Variants in HIF1AN observed in about 807,000 individuals in gnomAD.
HIF1AN encodes hypoxia inducible factor 1 subunit alpha inhibitor, also known as hypoxia-inducible factor 1-alpha inhibitor.
Under a neutral mutation model 47.7 loss-of-function variants are expected in HIF1AN, and 21 were observed. The ratio of observed to expected loss-of-function variants is 0.44; its 90% CI spans 0.31 to 0.63. The LOEUF is 0.63. HIF1AN is among the 30% of genes least tolerant of loss of function. The pLI, the probability that HIF1AN is intolerant of heterozygous loss-of-function variation, is 0.07. For missense variants in HIF1AN, 320 were observed against 432.7 expected, an observed-to-expected ratio of 0.74 and a Z score of 2.31; for synonymous variants, 152 against 155.9, an observed-to-expected ratio of 0.98 and a Z score of 0.18.
rs571589774 is a variant in HIF1AN, at chr10:100,542,677, A to T, written c.577+1895A>T. ...GCAAATTCAACTTTATCTTTTAAAT[A>T]GATAATACATTCATGGAGTTCGAAT... is the stretch of plus-strand genomic sequence containing the variant. On this transcript the variant is annotated intron_variant, in intron 3 of 7. Coordinates refer to ENST00000299163, the MANE Select transcript of HIF1AN (RefSeq NM_017902.3). 2.9e-3 allele frequency among the ~76,000 whole-genome samples: 441 copies of T among 152,230 alleles called. 3 individuals are homozygous for T. Among genetic ancestry groups the T allele is most frequent in the Non-Finnish European group, 4.1e-3 (281 of 68,010 alleles).
At chr10:100,545,885 GT>G (rs1430007770) in intron 4 of HIF1AN, 57 bp from the exon 5 acceptor site, 1 of 1,162,328 alleles carries the variant, frequency 8.6e-7, no homozygotes. Context: ...GCATATAGTA[GT>G]TTTACTGGTG....
chr10:100,535,972 C>G lies in HIF1AN; in HGVS notation c.14C>G (p.Ala5Gly). Residue 5 changes from alanine to glycine, a missense_variant, in exon 1 of 8, where the codon GCG becomes GGG. Ala to Gly is a moderately conservative substitution (Grantham distance 60). Coordinates refer to ENST00000299163, the MANE Select transcript of HIF1AN (RefSeq NM_017902.3). Reference protein sequence around the residue: MAATAAEAVASGSGE... With the variant: MAATGAEAVASGSGE... ...CTGGCGGCGGAGATGGCGGCGACAG[C>G]GGCGGAGGCTGTGGCCTCTGGCTCT... 6.5e-7 allele frequency: 1 copy of G among 1,549,964 alleles called. No individual in the cohort carries two copies.
In HIF1AN at chr10:100,552,757, C is replaced by G. The variant is rs1200966825; in HGVS notation, c.*4620C>G. On this transcript the variant is annotated 3_prime_UTR_variant, in exon 8 of 8. Coordinates refer to ENST00000299163, the MANE Select transcript of HIF1AN (RefSeq NM_017902.3). ...ATCCCTCTCTCTGGTCATCCCTGAT[C>G]ATCTTAGGGCCGTCTCCCTTTTCTG... 6.6e-6 allele frequency: 1 copy of G among 152,284 alleles called. No homozygotes were observed. The highest frequency in any genetic ancestry group is 2.4e-5 in the African/African-American group (1 of 41,430). The allele number at this position is 152,284 out of a possible 1,614,324, so 9.4% of individuals were successfully genotyped here.
chr10:100,543,770 C>T lies in HIF1AN; in HGVS notation c.578-1181C>T, dbSNP rs140189004. 6.9e-3 allele frequency among the ~76,000 whole-genome samples: 1,045 copies of T among 152,282 alleles called. 13 individuals are homozygous for T. The highest frequency in any genetic ancestry group is 0.023 in the African/African-American group (972 of 41,572). ...TATAGTTATAATAGAGACGGAGTTT[C>T]ACCGTGTTAGCCAGGATGGTCTCAA... On this transcript the variant is annotated intron_variant, in intron 3 of 7. Coordinates refer to ENST00000299163, the MANE Select transcript of HIF1AN (RefSeq NM_017902.3).
rs993896631 is a variant in HIF1AN, at chr10:100,550,989, C to G, written c.*2852C>G. 8.5e-5 allele frequency: 13 copies of G among 152,260 alleles called. No homozygotes were observed. The highest frequency in any genetic ancestry group is 1.5e-4 in the Non-Finnish European group (10 of 68,070). The allele number at this position is 152,260 out of a possible 1,614,324, so 9.4% of individuals were successfully genotyped here. A position where few individuals can be genotyped will look rare whatever the true frequency, so the allele number is the denominator to read the frequency against. On this transcript the variant is annotated 3_prime_UTR_variant, in exon 8 of 8. Coordinates refer to ENST00000299163, the MANE Select transcript of HIF1AN (RefSeq NM_017902.3). The stretch of plus-strand genomic sequence containing the variant: ...CTCCATCCTAGCTGGCAGTGTGGGA[C>G]ACACACATACAGCAAGTGAAGGTGG...
intron 3 of HIF1AN, among the ~76,000 whole-genome samples, chr10:100,544,627 A>G (rs1843077274): frequency 6.6e-6 from 1 of 152,214 alleles, no homozygotes; most frequent in Admixed American, 6.5e-5. Flanking sequence ...TACACGGTGT[A>G]CACAGTTGAT....
chr10:100,547,244 A>C lies in HIF1AN; in HGVS notation c.999A>C (p.Pro333=), dbSNP rs1440058508. The C allele has an allele frequency of 1.2e-6, 2 of 1,610,880 alleles. No homozygotes were observed. The highest frequency in any genetic ancestry group is 1.3e-5 in the African/African-American group (1 of 74,876). ...TGCTTGGAGAGGCCTTGGGGAACCC[A>C]CAAGAGGTAGGTGACTGCCCCAAGG... ...EKMLGEALGN[P]QEVGPLLNTM... Residue 333 remains proline (P), a synonymous_variant, in exon 7 of 8, where the codon CCA becomes CCC. Coordinates refer to ENST00000299163, the MANE Select transcript of HIF1AN (RefSeq NM_017902.3).
rs191150859 is a variant in HIF1AN at position 100,556,297 on chromosome 10, A to T, written c.*8160A>T. Reference sequence around the variant, plus strand: ...TCCAAAAATATTTTTAACAATACTAAAAATACCTGAAACATACTGGGTGAA... The same window carrying T: ...TCCAAAAATATTTTTAACAATACTATAAATACCTGAAACATACTGGGTGAA... On this transcript the variant is annotated 3_prime_UTR_variant, in exon 8 of 8. Transcript: ENST00000299163. The T allele has an allele frequency of 1.3e-5, 2 of 152,294 alleles. No homozygotes were observed. Among genetic ancestry groups the T allele is most frequent in the East Asian group, 3.9e-4 (2 of 5,188 alleles). 9.4% of individuals were successfully genotyped at this position (152,294 alleles called of 1,614,324 possible). A position where few individuals can be genotyped will look rare whatever the true frequency, so the allele number is the denominator to read the frequency against.
intron 2 of HIF1AN, among the ~76,000 whole-genome samples, chr10:100,537,571 A>G (rs1852240229): frequency 1.3e-5 from 2 of 152,262 alleles, no homozygotes; most frequent in African/African-American, 4.8e-5. Context: ...AAGACACACA[A>G]GACAGTGATT....
intron 2 of HIF1AN, among the ~76,000 whole-genome samples, chr10:100,537,633 C>T (rs892415630): frequency 2.0e-5 from 3 of 152,160 alleles, no homozygotes; most frequent in South Asian, 2.1e-4. Flanking sequence ...TATGTAGGTC[C>T]GAGACAGTAT....
At chr10:100,539,020 G>A (rs992385888) in intron 2 of HIF1AN, among the ~76,000 whole-genome samples, 2 of 149,984 alleles carry the variant, frequency 1.3e-5, no homozygotes, top group Admixed American at 6.7e-5. Flanking sequence ...ATCCTCCCAC[G>A]TCAGCCTGTC....
In HIF1AN at chr10:100,550,686, A is replaced by T. The variant is rs1242649103; in HGVS notation, c.*2549A>T. 1.3e-5 allele frequency: 2 copies of T among 152,240 alleles called. No homozygotes were observed. Among genetic ancestry groups the T allele is most frequent in the Non-Finnish European group, 2.9e-5 (2 of 68,046 alleles). The allele number at this position is 152,240 out of a possible 1,614,324, so 9.4% of individuals were successfully genotyped here. ...AAACTGCCTGGGAAGCCATATTATG[A>T]ATTAGTGCTAGAAGAAGCTGTGGGG... is the stretch of plus-strand genomic sequence containing the variant. On this transcript the variant is annotated 3_prime_UTR_variant, in exon 8 of 8. Transcript: ENST00000299163.
chr10:100,557,927 G>A lies in HIF1AN; in HGVS notation c.*9790G>A, dbSNP rs1242319825. 6.6e-6 allele frequency: 1 copy of A among 152,218 alleles called. No individual in the cohort carries two copies. The highest frequency in any genetic ancestry group is 1.5e-5 in the Non-Finnish European group (1 of 68,058). 9.4% of individuals were successfully genotyped at this position (152,218 alleles called of 1,614,324 possible). A position where few individuals can be genotyped will look rare whatever the true frequency, so the allele number is the denominator to read the frequency against. ...TAAACAGGAGGACTCAACTGTGCAT[G>A]TCTTAGTGTGAACAAGTAACATCAG... On this transcript the variant is annotated 3_prime_UTR_variant, in exon 8 of 8. Transcript: ENST00000299163.
At chr10:100,545,227 A>G in intron 4 of HIF1AN, 131 bp downstream of exon 4, 2 of 938,148 alleles carry the variant, frequency 2.1e-6, no homozygotes, top group Non-Finnish European at 3.2e-6. Context: ...TAACACACCA[A>G]GAGGGTAATT....
intron 3 of HIF1AN, among the ~76,000 whole-genome samples, chr10:100,543,763 G>A (rs1056313982): frequency 9.9e-5 from 15 of 152,100 alleles, no homozygotes; most frequent in Non-Finnish European, 5.9e-5. Context: ...TAATAGAGAC[G>A]GAGTTTCACC....
intron 3 of HIF1AN, 97 bp from the exon 4 acceptor site, chr10:100,544,854 G>A (rs1843078857): frequency 5.2e-6 from 6 of 1,144,898 alleles, no homozygotes; most frequent in Non-Finnish European, 6.2e-6. Context: ...TTTTAGCTGG[G>A]AGGGCAGGCT....
intron 5 of HIF1AN, 62 bp from the exon 6 acceptor site, chr10:100,546,456 T>TCTCC: frequency 1.5e-6 from 1 of 679,320 alleles, no homozygotes. Flanking sequence ...CCCCCGCACT[T>TCTCC]CGCCCCTCCG....
intron 4 of HIF1AN, 26 bp from the exon 5 acceptor site, chr10:100,545,914 ATTT>A (rs760372237): frequency 1.4e-6 from 2 of 1,470,734 alleles, no homozygotes; most frequent in East Asian, 4.5e-5. Flanking sequence ...GGTGATTGAT[ATTT>A]TTTTTCTTTC....
intron 3 of HIF1AN, among the ~76,000 whole-genome samples, chr10:100,541,048 A>G (rs1843023105): frequency 6.6e-6 from 1 of 151,888 alleles, no homozygotes; most frequent in Admixed American, 6.6e-5. Context: ...CCCCGTCTCT[A>G]CTAAAATACA....
Sources: gnomAD v4.1 joint callset for allele counts (sites outside exome capture counted in the v4.1 genomes callset) on GRCh38, gnomAD v4.1.1 for gene constraint, MANE v1.5 for transcripts, NCBI Gene and HGNC (gene_info 2026-07-23, HGNC 2026-07-21) for gene names.